AIG1: variants seen among roughly 807,000 people sequenced by gnomAD.
AIG1 encodes the protein androgen-induced gene 1 protein.
AIG1 carries 23 observed loss-of-function variants against 31.4 expected under a neutral mutation model. The observed-to-expected ratio is 0.73, with a 90% CI of 0.53 to 1.04. The LOEUF (loss-of-function observed/expected upper bound fraction) is 1.04. Ranked by LOEUF, AIG1 falls within the 50% of genes least tolerant of loss-of-function variation. The pLI, the probability that AIG1 is intolerant of heterozygous loss-of-function variation, is 0.00. For missense variants in AIG1, 274 were observed against 295.0 expected (o/e 0.93, Z 0.52); for synonymous variants, 100 against 110.5 (o/e 0.90, Z 0.60).
chr6:143,153,252 C>G (rs571291250), intron 2 of AIG1, among the ~76,000 whole-genome samples: 91 of 152,330 alleles, frequency 6.0e-4, no homozygotes, highest in Admixed American at 3.8e-3. Context: ...TATTCTAAGT[C>G]ACTGCTACTT....
chr6:143,169,350 C>G (rs145037656), intron 3 of AIG1, among the ~76,000 whole-genome samples: 2,093 of 152,070 alleles, frequency 0.014, 20 homozygotes, highest in Non-Finnish European at 0.024. Context: ...TTACAGGGTA[C>G]AGAGTGATAT....
rs9321901 is a variant in AIG1, at chr6:143,333,216, A to G, written c.516-66A>G. On this transcript the variant is annotated intron_variant, in intron 4 of 5. Coordinates refer to ENST00000357847, the MANE Select transcript of AIG1 (RefSeq NM_016108.4). This position sits in a 1 kb window ranked among gnomAD's most constrained non-coding sequence, Gnocchi z 4.6. ...GAGTGAGGGAGTGTATATTTGCATC[A>G]TAGCAGCTTTGATGCCTGCCATAAG... The G allele has an allele frequency of 5.0e-4, 736 of 1,461,002 alleles. 5 individuals carry two copies. The African/African-American group carries it at 9.5e-3, about 19-fold the overall frequency. The allele number at this position is 1,461,002 out of a possible 1,614,324, so 90.5% of individuals were successfully genotyped here. A position where few individuals can be genotyped will look rare whatever the true frequency, so the allele number is the denominator to read the frequency against.
At chr6:143,241,609 AT>A in intron 3 of AIG1, among the ~76,000 whole-genome samples, 1 of 152,294 alleles carries the variant, frequency 6.6e-6, no homozygotes, top group South Asian at 2.1e-4. Context: ...GTTCTAAGGA[AT>A]TTGCAAACAT....
chr6:143,328,027 A>G lies in AIG1; in HGVS notation c.516-5255A>G, dbSNP rs538625633. On this transcript the variant is annotated intron_variant, in intron 4 of 5. Transcript: ENST00000357847. The surrounding 1 kb of genome is among the most constrained non-coding windows in gnomAD (Gnocchi z 4.0). ...GCCATAGCCATGAATGAACTCATCA[A>G]CTGAGAATGCATAAGAGAAAACAGT... Among the ~76,000 whole-genome samples the G allele has an allele frequency of 6.6e-6, 1 of 152,330 alleles. No individual in the cohort carries two copies. Among genetic ancestry groups the G allele is most frequent in the Admixed American group, 6.5e-5 (1 of 15,298 alleles).
At chr6:143,206,528 A>G (rs73781116) in intron 3 of AIG1, among the ~76,000 whole-genome samples, 1 of 152,158 alleles carries the variant, frequency 6.6e-6, no homozygotes, top group African/African-American at 2.4e-5. Context: ...AGTATTTTCA[A>G]ATATCCATTT....
At position 143,105,025 on chromosome 6, in the gene AIG1, C is replaced by G. The variant is rs188513292; in HGVS notation, c.142-31810C>G. On this transcript the variant is annotated intron_variant, in intron 1 of 5. Coordinates refer to ENST00000357847, the MANE Select transcript of AIG1 (RefSeq NM_016108.4). ...ATAAAATGGCATATTAACAGTTAAG[C>G]TCAGGTAAGGTAAGATCTCATGATT... Among the ~76,000 whole-genome samples, 6 of 152,222 alleles carry G rather than the reference C, an allele frequency of 3.9e-5. No homozygotes were observed. The East Asian group carries it at 1.2e-3, about 29-fold the overall frequency.
chr6:143,287,135 C>G (rs969875982), intron 4 of AIG1, among the ~76,000 whole-genome samples: 5 of 151,962 alleles, frequency 3.3e-5, no homozygotes, highest in African/African-American at 4.8e-5. Context: ...TCAACCCTCC[C>G]ACACACACAT....
At position 143,319,888 on chromosome 6, in the gene AIG1, A is replaced by G. The variant is rs144157324; in HGVS notation, c.516-13394A>G. Among the ~76,000 whole-genome samples the G allele has an allele frequency of 4.9e-3, 745 of 152,300 alleles. 4 individuals carry two copies. The highest frequency in any genetic ancestry group is 0.017 in the African/African-American group (706 of 41,576). On this transcript the variant is annotated intron_variant, in intron 4 of 5. Coordinates refer to ENST00000357847, the MANE Select transcript of AIG1 (RefSeq NM_016108.4). ...AGAGAAATGAGACGGCATCATATTA[A>G]AAAGCTTCTGCATAGCAAAACAATC...
At chr6:143,234,572 T>C (rs899786544) in intron 3 of AIG1, among the ~76,000 whole-genome samples, 1 of 152,072 alleles carries the variant, frequency 6.6e-6, no homozygotes, top group African/African-American at 2.4e-5. Flanking sequence ...GAAAAAGAAA[T>C]AGTTCAGTTA....
intron 3 of AIG1, chr6:143,189,804 G>A (rs575071442): frequency 1.9e-4 from 186 of 981,738 alleles, no homozygotes; most frequent in Middle Eastern, 5.2e-4. Flanking sequence ...TCTCAACTTC[G>A]TAAATAAAAA....
At chr6:143,113,802 T>C (rs1583217345) in intron 1 of AIG1, among the ~76,000 whole-genome samples, 1 of 151,246 alleles carries the variant, frequency 6.6e-6, no homozygotes, top group African/African-American at 2.4e-5. Flanking sequence ...TGAGACGGAG[T>C]CTCCCTCCGT....
chr6:143,201,905 G>GT (rs1172959865), intron 3 of AIG1, among the ~76,000 whole-genome samples: 4 of 152,114 alleles, frequency 2.6e-5, no homozygotes, highest in Admixed American at 1.3e-4. Context: ...CCATCCTTAC[G>GT]TTTTTTCTGT....
At chr6:143,079,779 C>CTTTT (rs78637706) in intron 1 of AIG1, among the ~76,000 whole-genome samples, 20 of 106,966 alleles carry the variant, frequency 1.9e-4, no homozygotes, top group East Asian at 6.1e-4. Flanking sequence ...GGATAGATTC[C>CTTTT]TTTTTTTTTT....
At chr6:143,310,566 G>A (rs1003429004) in intron 4 of AIG1, among the ~76,000 whole-genome samples, 1 of 149,294 alleles carries the variant, frequency 6.7e-6, no homozygotes, top group Non-Finnish European at 1.5e-5. Flanking sequence ...ACTAGAGAAG[G>A]AACAATTTAA....
At chr6:143,193,879 T>C (rs946206854) in intron 3 of AIG1, among the ~76,000 whole-genome samples, 1 of 152,224 alleles carries the variant, frequency 6.6e-6, no homozygotes, top group African/African-American at 2.4e-5. Flanking sequence ...TTAGAGAATT[T>C]CAGGGGTTTA....
intron 1 of AIG1, among the ~76,000 whole-genome samples, chr6:143,087,071 A>G (rs1778861006): frequency 6.6e-6 from 1 of 152,206 alleles, no homozygotes; most frequent in Admixed American, 6.5e-5. Context: ...TCAGGCAGCC[A>G]TGCTCATTGT....
At chr6:143,079,443 A>T (rs1417859449) in intron 1 of AIG1, among the ~76,000 whole-genome samples, 1 of 152,144 alleles carries the variant, frequency 6.6e-6, no homozygotes, top group African/African-American at 2.4e-5. Flanking sequence ...TTTTTGCTTT[A>T]GTTCCCAATG....
downstream of AIG1, among the ~76,000 whole-genome samples, chr6:143,343,852 T>G (rs1326110375): frequency 6.6e-6 from 1 of 152,194 alleles, no homozygotes; most frequent in Non-Finnish European, 1.5e-5. Context: ...CTATTAGTTG[T>G]TTTTAATAAA....
chr6:143,259,546 T>C (rs185363915), intron 3 of AIG1, among the ~76,000 whole-genome samples: 1 of 152,360 alleles, frequency 6.6e-6, no homozygotes, highest in African/African-American at 2.4e-5. Context: ...TGTATGCCTT[T>C]CTTTTAAATG....
Sources: allele counts gnomAD v4.1 joint callset (sites outside exome capture counted in the v4.1 genomes callset), GRCh38; gene constraint gnomAD v4.1.1; non-coding constraint Gnocchi (gnomAD v3.1); transcripts MANE v1.5; gene names NCBI Gene and HGNC (gene_info 2026-07-23, HGNC 2026-07-21).